XKR9: variants seen among roughly 807,000 people sequenced by gnomAD.
XKR9 encodes XK-related protein 9.
A neutral mutation model predicts 32.0 loss-of-function variants in XKR9; 32 were observed. That is an observed-to-expected ratio of 1.00 (90% CI 0.76 to 1.34). The LOEUF (loss-of-function observed/expected upper bound fraction) is 1.34, where lower values mean the gene tolerates loss of function less well. Ranked by LOEUF, XKR9 falls within the 40% of genes most tolerant of loss-of-function variation. The pLI is 0.00. For synonymous variants in XKR9, 168 were observed against 143.4 expected (o/e 1.17, Z -1.22); for missense variants, 546 against 429.7 (o/e 1.27, Z -2.39).
intron 2 of XKR9, among the ~76,000 whole-genome samples, chr8:70,746,388 T>G (rs1190868935): frequency 6.8e-6 from 1 of 147,422 alleles, no homozygotes; most frequent in African/African-American, 2.5e-5. Flanking sequence ...AAAATATAAT[T>G]ATATACAAAA....
chr8:71,033,554 T>C, the XKR9 span, among the ~76,000 whole-genome samples: 1 of 152,124 alleles, frequency 6.6e-6, no homozygotes, highest in African/African-American at 2.4e-5. Context: ...ATGTGGGGCT[T>C]AGTTGCGGGG....
At chr8:70,822,073 T>A in the XKR9 span, among the ~76,000 whole-genome samples, 3 of 152,180 alleles carry the variant, frequency 2.0e-5, no homozygotes, top group Non-Finnish European at 4.4e-5. Flanking sequence ...TCAATTCCTT[T>A]ATATCTATAT....
the XKR9 span, among the ~76,000 whole-genome samples, chr8:70,998,742 A>G: frequency 2.0e-5 from 3 of 152,204 alleles, no homozygotes; most frequent in Non-Finnish European, 2.9e-5. Flanking sequence ...TGCATCTTCC[A>G]CAAGCAACCC....
chr8:70,971,817 A>G, the XKR9 span, among the ~76,000 whole-genome samples: 4 of 151,978 alleles, frequency 2.6e-5, no homozygotes, highest in East Asian at 1.9e-4. Context: ...CCATTAGTCT[A>G]TGTATACCTG....
intron 3 of XKR9, among the ~76,000 whole-genome samples, chr8:70,685,620 A>G (rs13256998): frequency 6.6e-6 from 1 of 150,750 alleles, no homozygotes; most frequent in African/African-American, 2.4e-5. Flanking sequence ...CATTCTCAGT[A>G]AACTATTGCA....
At chr8:70,868,302 A>G in the XKR9 span, among the ~76,000 whole-genome samples, 1 of 151,994 alleles carries the variant, frequency 6.6e-6, no homozygotes, top group Admixed American at 6.6e-5. Flanking sequence ...TCCCTTCTGC[A>G]CTTCCCTAGC....
At chr8:70,671,229 G>A (rs929168064) in intron 1 of XKR9, among the ~76,000 whole-genome samples, 2 of 152,048 alleles carry the variant, frequency 1.3e-5, no homozygotes, top group Admixed American at 1.3e-4. Flanking sequence ...TAGCTCCCAC[G>A]TATGAATGAG....
the XKR9 span, among the ~76,000 whole-genome samples, chr8:70,978,540 T>A: frequency 2.0e-5 from 3 of 152,336 alleles, no homozygotes; most frequent in South Asian, 4.1e-4. Flanking sequence ...AATTCTTTTC[T>A]TTAAGAATGT....
chr8:70,960,736 G>T, the XKR9 span, among the ~76,000 whole-genome samples: 1 of 151,968 alleles, frequency 6.6e-6, no homozygotes, highest in Non-Finnish European at 1.5e-5. Flanking sequence ...GCTGAATGTA[G>T]TGGCAAGTGC....
intron 2 of XKR9, among the ~76,000 whole-genome samples, chr8:70,760,409 G>T (rs1050786457): frequency 3.3e-5 from 5 of 152,154 alleles, no homozygotes; most frequent in Non-Finnish European, 7.4e-5. Context: ...CGTCACACTG[G>T]TAGAGTGAAT....
the XKR9 span, among the ~76,000 whole-genome samples, chr8:70,849,208 C>T: frequency 6.6e-6 from 1 of 152,044 alleles, no homozygotes; most frequent in African/African-American, 2.4e-5. Context: ...AAACACTCCT[C>T]AGCAAATACA....
chr8:70,948,511 A>G, the XKR9 span, among the ~76,000 whole-genome samples: 1 of 151,856 alleles, frequency 6.6e-6, no homozygotes, highest in African/African-American at 2.4e-5. Context: ...GTTTTGTGAG[A>G]ATCTGCAGTG....
At chr8:70,978,790 A>G in the XKR9 span, among the ~76,000 whole-genome samples, 3 of 152,178 alleles carry the variant, frequency 2.0e-5, no homozygotes, top group African/African-American at 7.2e-5. Flanking sequence ...CTGCCTTGCT[A>G]TGATGGGTAA....
At chr8:70,866,360 G>A in the XKR9 span, among the ~76,000 whole-genome samples, 2 of 152,194 alleles carry the variant, frequency 1.3e-5, no homozygotes, top group East Asian at 3.8e-4. Flanking sequence ...TAAAATCAGA[G>A]AGATTAATGG....
the XKR9 span, among the ~76,000 whole-genome samples, chr8:70,876,289 T>G: frequency 6.8e-6 from 1 of 147,942 alleles, no homozygotes; most frequent in Non-Finnish European, 1.5e-5. Flanking sequence ...TGGTGTGATC[T>G]CAGCTCACTG....
chr8:70,959,153 T>G, the XKR9 span, among the ~76,000 whole-genome samples: 1 of 152,210 alleles, frequency 6.6e-6, no homozygotes, highest in Non-Finnish European at 1.5e-5. Flanking sequence ...TTGATAGTTT[T>G]AAAAATGAGC....
At chr8:70,767,334 G>C (rs1452750546) in intron 2 of XKR9, among the ~76,000 whole-genome samples, 2 of 152,060 alleles carry the variant, frequency 1.3e-5, no homozygotes, top group African/African-American at 4.8e-5. Context: ...TTGGGAGGGT[G>C]TATCTGTCTA....
chr8:71,062,652 A>G, the XKR9 span, among the ~76,000 whole-genome samples: 1 of 151,970 alleles, frequency 6.6e-6, no homozygotes, highest in Non-Finnish European at 1.5e-5. Flanking sequence ...TTCCCACACA[A>G]AATTTCCACA....
rs976429446 is a variant in XKR9, at chr8:70,672,513, T to G, written c.-360-2305T>G. On this transcript the variant is annotated intron_variant, in intron 1 of 4. Transcript: ENST00000408926. ...GGACTTTTAGGTTGATTTCATATCTTTCCTATTGTGAATAATGTTGTGATA... is the reference window on the plus strand; with the variant it reads ...GGACTTTTAGGTTGATTTCATATCTGTCCTATTGTGAATAATGTTGTGATA... Among the ~76,000 whole-genome samples the G allele has an allele frequency of 4.6e-5, 7 of 152,370 alleles. No individual in the cohort carries two copies. The South Asian group carries it at 6.2e-4, about 14-fold the overall frequency.
Sources: gnomAD v4.1 joint callset for allele counts (sites outside exome capture counted in the v4.1 genomes callset) on GRCh38, gnomAD v4.1.1 for gene constraint, MANE v1.5 for transcripts, NCBI Gene and HGNC (gene_info 2026-07-23, HGNC 2026-07-21) for gene names.